DNAH9: variants seen among roughly 807,000 people sequenced by gnomAD.
DNAH9 encodes dynein axonemal heavy chain 9.
DNAH9 carries 345 observed loss-of-function variants against 471.6 expected under a neutral mutation model. The observed-to-expected ratio is 0.73, with a 90% CI of 0.67 to 0.80. DNAH9 has a LOEUF of 0.80. Ranked by LOEUF, DNAH9 falls within the 30% of genes least tolerant of loss-of-function variation. The pLI is 0.00. For missense variants in DNAH9, 5,407 were observed against 5,609.2 expected, an observed-to-expected ratio of 0.96 and a Z score of 1.15; for synonymous variants, 2,093 against 2,123.6, an observed-to-expected ratio of 0.99 and a Z score of 0.40.
chr17:11,729,886 G>A (rs1326908468), intron 28 of DNAH9, among the ~76,000 whole-genome samples: 1 of 152,188 alleles, frequency 6.6e-6, no homozygotes, highest in African/African-American at 2.4e-5. Context: ...AACAGCAGTA[G>A]GGCTCAGACC....
At chr17:11,877,945 A>G in intron 53 of DNAH9, among the ~76,000 whole-genome samples, 1 of 152,060 alleles carries the variant, frequency 6.6e-6, no homozygotes, top group East Asian at 1.9e-4. Flanking sequence ...CATATTGCCC[A>G]GTGGTCTTGA....
intron 9 of DNAH9, among the ~76,000 whole-genome samples, chr17:11,638,734 TCTCTA>T (rs2073209945): frequency 6.6e-6 from 1 of 152,126 alleles, no homozygotes; most frequent in African/African-American, 2.4e-5. Flanking sequence ...GCATCTGGGT[TCTCTA>T]CTCAGAGAGA....
In DNAH9 at chr17:11,733,395, A is replaced by AG. The variant is rs2075298139; in HGVS notation, c.5814+5475dup. On this transcript the variant is annotated intron_variant, in intron 28 of 68. Transcript: ENST00000262442. ...GACACAAGGCCCTAGCCTGAGTGGG[A>AG]GGATACAGGGACAGAACCCTCTGTG... Among the ~76,000 whole-genome samples, 3 of 152,332 alleles carry AG rather than the reference A, an allele frequency of 2.0e-5. No individual in the cohort carries two copies. The South Asian group carries it at 6.2e-4, about 32-fold the overall frequency.
chr17:11,843,801 T>G (rs1216873199), intron 49 of DNAH9, among the ~76,000 whole-genome samples: 1 of 145,220 alleles, frequency 6.9e-6, no homozygotes, highest in African/African-American at 2.5e-5. Flanking sequence ...ATTAGTATAG[T>G]GATTGATATG....
chr17:11,619,710 G>A lies in DNAH9; in HGVS notation c.1279G>A (p.Glu427Lys). Reference sequence around the variant, plus strand: ...CTTCAAAGAGAACCAGGAAGTCAAGGAATGGGATTTCCAGTCTTCTTTGGT... The same window carrying A: ...CTTCAAAGAGAACCAGGAAGTCAAGAAATGGGATTTCCAGTCTTCTTTGGT... ...TYFKENQEVK[E>K]WDFQSSLVFV... Residue 427 changes from glutamate (E) to lysine (K), a missense_variant, in exon 6 of 69, where the codon GAA (glutamate) becomes AAA (lysine). Glu to Lys is a moderately conservative substitution (Grantham distance 56, BLOSUM62 1). Around this residue, in one of 3 missense-constraint regions of DNAH9, gnomAD observed 767 missense variants for 692.5 expected, o/e 1.11. Transcript: ENST00000262442. 1 of 1,614,086 alleles carries A rather than the reference G, an allele frequency of 6.2e-7. No individual in the cohort carries two copies. Among genetic ancestry groups the A allele is most frequent in the Non-Finnish European group, 8.5e-7 (1 of 1,179,946 alleles).
At chr17:11,852,814 G>GTGTGTATATATA (rs1169950713) in intron 49 of DNAH9, among the ~76,000 whole-genome samples, 3 of 92,680 alleles carry the variant, frequency 3.2e-5, no homozygotes, top group African/African-American at 7.7e-5. Flanking sequence ...GTGTGTGTGT[G>GTGTGTATATATA]TATATATATA....
chr17:11,905,070 A>G (rs893560538), intron 60 of DNAH9, among the ~76,000 whole-genome samples: 1 of 151,814 alleles, frequency 6.6e-6, no homozygotes, highest in African/African-American at 2.4e-5. Flanking sequence ...CATCTCTGCT[A>G]AAATATAAAA....
At chr17:11,775,676 C>A (rs1259974925) in intron 38 of DNAH9, among the ~76,000 whole-genome samples, 1 of 139,908 alleles carries the variant, frequency 7.1e-6, no homozygotes, top group Non-Finnish European at 1.5e-5. Flanking sequence ...GCGATCTCGG[C>A]TCACTGCAAG....
intron 18 of DNAH9, 22 bp downstream of exon 18, chr17:11,680,001 T>G (rs1403876537): frequency 5.1e-6 from 8 of 1,578,286 alleles, no homozygotes; most frequent in Non-Finnish European, 4.3e-6. Context: ...TATGTCTTCC[T>G]TATAAAAGAA....
At chr17:11,901,572 TGTA>T (rs1294593597) in intron 59 of DNAH9, among the ~76,000 whole-genome samples, 1 of 152,164 alleles carries the variant, frequency 6.6e-6, no homozygotes, top group Non-Finnish European at 1.5e-5. Flanking sequence ...GGTCTGCACC[TGTA>T]GTCCCAGCTA....
At position 11,636,691 on chromosome 17, in the gene DNAH9, GATAA is replaced by G; in HGVS notation, c.1697_1700del (p.Lys566ThrfsTer15). On this transcript the variant is annotated frameshift_variant, in exon 9 of 69. Transcript: ENST00000262442. LOFTEE classifies it high-confidence loss of function. ...ACCGCTGGTAGCGAGGGATACATCT[GATAA>G]ATACCTGGTCCTCATCCAAATGTTC... 1 of 1,613,760 alleles carries G rather than the reference GATAA, an allele frequency of 6.2e-7. No homozygotes were observed. The highest frequency in any genetic ancestry group is 2.2e-5 in the East Asian group (1 of 44,876).
chr17:11,769,538 T>G (rs1294820981), intron 38 of DNAH9, among the ~76,000 whole-genome samples: 1 of 152,200 alleles, frequency 6.6e-6, no homozygotes, highest in South Asian at 2.1e-4. Flanking sequence ...TGGTCTTTCT[T>G]TCTACATTCC....
chr17:11,622,575 C>T (rs2072890212), intron 6 of DNAH9, among the ~76,000 whole-genome samples: 1 of 152,134 alleles, frequency 6.6e-6, no homozygotes, highest in African/African-American at 2.4e-5. Flanking sequence ...GCAGATGCTC[C>T]AGCCCTGCAG....
intron 38 of DNAH9, among the ~76,000 whole-genome samples, chr17:11,773,840 A>G (rs987462924): frequency 6.6e-6 from 1 of 152,234 alleles, no homozygotes; most frequent in Non-Finnish European, 1.5e-5. Context: ...TTATGAGTGC[A>G]GCTAATAAGT....
rs547023975 is a variant in DNAH9 at position 11,934,435 on chromosome 17, A to ATTTTTTTTTT, written c.12489+383_12489+392dup. Among the ~76,000 whole-genome samples, 68 of 86,028 alleles carry ATTTTTTTTTT rather than the reference A, an allele frequency of 7.9e-4. 14 individuals carry two copies. The highest frequency in any genetic ancestry group is 1.2e-3 in the Non-Finnish European group (54 of 44,590). 56.4% of individuals were successfully genotyped at this position (86,028 alleles called of 152,430 possible). Reference sequence around the variant, plus strand: ...TTTCACTTGGGATGTTGACAAACCCATTTTTTTTTTTTTTTTTTTTTTTTT... The same window carrying ATTTTTTTTTT: ...TTTCACTTGGGATGTTGACAAACCCATTTTTTTTTTTTTTTTTTTTTTTTTTTTTTTTTTT... On this transcript the variant is annotated intron_variant, in intron 65 of 68. Transcript: ENST00000262442.
chr17:11,915,697 A>G (rs1205498475), intron 61 of DNAH9, among the ~76,000 whole-genome samples: 1 of 152,132 alleles, frequency 6.6e-6, no homozygotes, highest in Non-Finnish European at 1.5e-5. Flanking sequence ...ATTGGCACAA[A>G]TTGTTCTTTT....
chr17:11,827,871 A>C (rs1272384973), intron 48 of DNAH9, among the ~76,000 whole-genome samples: 1 of 152,036 alleles, frequency 6.6e-6, no homozygotes, highest in Non-Finnish European at 1.5e-5. Flanking sequence ...TTTTTAGTAG[A>C]GATGGGGTTT....
At chr17:11,616,442 C>T (rs138137765) in intron 4 of DNAH9, among the ~76,000 whole-genome samples, 2 of 152,180 alleles carry the variant, frequency 1.3e-5, no homozygotes, top group South Asian at 2.1e-4. Context: ...TTTGTAAACT[C>T]GCCCTTCCAA....
intron 4 of DNAH9, among the ~76,000 whole-genome samples, chr17:11,613,850 A>G (rs573319531): frequency 6.6e-6 from 1 of 152,340 alleles, no homozygotes; most frequent in Admixed American, 6.5e-5. Flanking sequence ...AAGATGTAGT[A>G]AAAATATATT....
Sources: allele counts gnomAD v4.1 joint callset (sites outside exome capture counted in the v4.1 genomes callset), GRCh38; gene constraint gnomAD v4.1.1; regional missense constraint gnomAD v4.1.1; transcripts MANE v1.5; gene names NCBI Gene and HGNC (gene_info 2026-07-23, HGNC 2026-07-21).